Variants in DCK observed in about 807,000 individuals in gnomAD.
DCK encodes deoxyadenosine kinase.
Under a neutral mutation model 38.3 loss-of-function variants are expected in DCK, and 23 were observed. The ratio of observed to expected loss-of-function variants is 0.60; its 90% CI spans 0.43 to 0.85. DCK has a LOEUF of 0.85. DCK is among the 40% of genes least tolerant of loss of function. The pLI is 0.00. For missense variants in DCK, 259 were observed against 304.4 expected (o/e 0.85, Z 1.11); for synonymous variants, 108 against 100.6 (o/e 1.07, Z -0.44).
chr4:71,015,777 G>A (rs964119312), intron 2 of DCK, among the ~76,000 whole-genome samples: 9 of 152,182 alleles, frequency 5.9e-5, no homozygotes, highest in Non-Finnish European at 7.3e-5. Flanking sequence ...TTGGTGGGAT[G>A]TATCTCAAAA....
At chr4:71,005,643 A>G (rs1180445147) in intron 2 of DCK, among the ~76,000 whole-genome samples, 1 of 150,930 alleles carries the variant, frequency 6.6e-6, no homozygotes, top group Non-Finnish European at 1.5e-5. Flanking sequence ...AGTAGCTGGG[A>G]TTACAAGCAT....
chr4:71,029,900 T>C lies in DCK; in HGVS notation c.*522T>C, dbSNP rs1239169018. ...TGAAGTTTTATTTTAAATTATTATC[T>C]TCTTAACAGTTTAGTCCCACCTCTT... On this transcript the variant is annotated 3_prime_UTR_variant, in exon 7 of 7. Transcript: ENST00000286648. 2.0e-5 allele frequency: 3 copies of C among 152,998 alleles called. No homozygotes were observed. Among genetic ancestry groups the C allele is most frequent in the Non-Finnish European group, 2.9e-5 (2 of 68,326 alleles). 9.5% of individuals were successfully genotyped at this position (152,998 alleles called of 1,614,324 possible).
In DCK at chr4:71,016,830, C is replaced by G. The variant is rs905333756; in HGVS notation, c.208-5537C>G. Among the ~76,000 whole-genome samples the G allele has an allele frequency of 8.5e-5, 13 of 152,316 alleles. 1 individual carries two copies. In the Middle Eastern group the frequency reaches 0.01, roughly 120 times the overall value. On this transcript the variant is annotated intron_variant, in intron 2 of 6. Coordinates refer to ENST00000286648, the MANE Select transcript of DCK (RefSeq NM_000788.3). ...TGTTAGACCTAAAACCATAAAAACCCTAGAAGAAAACCTAGGCAATACTAT... is the reference window on the plus strand; with the variant it reads ...TGTTAGACCTAAAACCATAAAAACCGTAGAAGAAAACCTAGGCAATACTAT...
chr4:71,021,055 A>G (rs1261588531), intron 2 of DCK, among the ~76,000 whole-genome samples: 1 of 148,010 alleles, frequency 6.8e-6, no homozygotes, highest in Non-Finnish European at 1.5e-5. Context: ...CATGTGTTCC[A>G]GATGCTATTT....
chr4:71,009,770 G>A (rs944198474), intron 2 of DCK, among the ~76,000 whole-genome samples: 3 of 152,112 alleles, frequency 2.0e-5, no homozygotes, highest in Non-Finnish European at 4.4e-5. Context: ...CTGTACAGAG[G>A]GGGTAGTATT....
intron 2 of DCK, among the ~76,000 whole-genome samples, chr4:71,018,593 G>T (rs1266479268): frequency 6.6e-6 from 1 of 151,622 alleles, no homozygotes; most frequent in Non-Finnish European, 1.5e-5. Context: ...TTTTTATCTG[G>T]ATAGTTTGCA....
At chr4:71,026,822 A>G in intron 6 of DCK, 67 bp downstream of exon 6, 1 of 748,628 alleles carries the variant, frequency 1.3e-6, no homozygotes, top group Admixed American at 2.7e-5. Flanking sequence ...TGGTGAGAAA[A>G]CAATTTTCTA....
chr4:71,029,325 C>T, intron 6 of DCK, 27 bp from the exon 7 acceptor site: 1 of 1,531,874 alleles, frequency 6.5e-7, no homozygotes, highest in African/African-American at 1.4e-5. Context: ...AGGAATTATA[C>T]TGATTTTTTT....
chr4:71,025,815 G>C lies in DCK; in HGVS notation c.550-1G>C. On this transcript the variant is annotated splice_acceptor_variant, in intron 4 of 6. Coordinates refer to ENST00000286648, the MANE Select transcript of DCK (RefSeq NM_000788.3). LOFTEE classifies it high-confidence loss of function. ...TTCCATCTCTTATTACTTGCTTTTA[G>C]ACATGCTTACATAGAATATATTTAC... 1 of 1,594,660 alleles carries C rather than the reference G, an allele frequency of 6.3e-7. No individual in the cohort carries two copies. The highest frequency in any genetic ancestry group is 8.5e-7 in the Non-Finnish European group (1 of 1,173,186).
At chr4:71,008,038 A>C (rs1739992966) in intron 2 of DCK, among the ~76,000 whole-genome samples, 1 of 152,136 alleles carries the variant, frequency 6.6e-6, no homozygotes, top group Non-Finnish European at 1.5e-5. Context: ...ATAGTATTTA[A>C]TTTTATTCGT....
intron 2 of DCK, among the ~76,000 whole-genome samples, chr4:71,019,151 C>T (rs1459323128): frequency 4.6e-5 from 7 of 152,130 alleles, no homozygotes; most frequent in African/African-American, 1.4e-4. Context: ...CACTATTAAA[C>T]TAAGAGACAA....
intron 2 of DCK, among the ~76,000 whole-genome samples, chr4:71,005,140 G>T (rs1022848123): frequency 1.3e-5 from 2 of 152,190 alleles, no homozygotes; most frequent in African/African-American, 4.8e-5. Context: ...TGGTCTGCGG[G>T]TTGTGAAGAC....
intron 2 of DCK, among the ~76,000 whole-genome samples, chr4:71,009,547 G>C (rs890868477): frequency 1.3e-5 from 2 of 152,128 alleles, no homozygotes; most frequent in African/African-American, 4.8e-5. Context: ...ACTTGATTCA[G>C]AATGCCAAAC....
intron 2 of DCK, among the ~76,000 whole-genome samples, chr4:71,014,843 A>G (rs1486149522): frequency 2.6e-5 from 4 of 152,222 alleles, no homozygotes; most frequent in Non-Finnish European, 4.4e-5. Context: ...TGACACCCTA[A>G]CATCACAATT....
Position 71,029,946 on chromosome 4 carries a change from T to C in DCK, c.*568T>C, listed in dbSNP as rs1740644872. The C allele has an allele frequency of 1.3e-5, 2 of 152,726 alleles. No homozygotes were observed. Among genetic ancestry groups the C allele is most frequent in the African/African-American group, 4.8e-5 (2 of 41,466 alleles). 9.5% of individuals were successfully genotyped at this position (152,726 alleles called of 1,614,324 possible). On this transcript the variant is annotated 3_prime_UTR_variant, in exon 7 of 7. Coordinates refer to ENST00000286648, the MANE Select transcript of DCK (RefSeq NM_000788.3). Reference sequence around the variant, plus strand: ...CTCTTACTTCCTGCCTCAGTCTGCTTTCTCTACTGTCTGGATTAATTAGGC... The same window carrying C: ...CTCTTACTTCCTGCCTCAGTCTGCTCTCTCTACTGTCTGGATTAATTAGGC...
At chr4:71,016,105 G>A (rs555337539) in intron 2 of DCK, among the ~76,000 whole-genome samples, 1 of 152,294 alleles carries the variant, frequency 6.6e-6, no homozygotes, top group South Asian at 2.1e-4. Context: ...CAAAGTCAAT[G>A]TGCAAAAATC....
At chr4:71,019,564 G>A (rs1341962512) in intron 2 of DCK, among the ~76,000 whole-genome samples, 3 of 152,038 alleles carry the variant, frequency 2.0e-5, no homozygotes, top group Non-Finnish European at 4.4e-5. Flanking sequence ...CTCTATCTTA[G>A]AGAATATATT....
chr4:71,017,278 C>T (rs1055327586), intron 2 of DCK, among the ~76,000 whole-genome samples: 30 of 152,198 alleles, frequency 2.0e-4, no homozygotes, highest in Non-Finnish European at 3.4e-4. Context: ...AGTCAGGAGA[C>T]AACAGGTGCT....
intron 1 of DCK, 80 bp downstream of exon 1, chr4:70,994,006 T>G (rs1022313236): frequency 6.8e-6 from 7 of 1,024,920 alleles, no homozygotes; most frequent in Admixed American, 5.8e-5. Flanking sequence ...CGCATCTCTC[T>G]GCAGCAACTC....
Sources: gnomAD v4.1 joint callset for allele counts (sites outside exome capture counted in the v4.1 genomes callset) on GRCh38, gnomAD v4.1.1 for gene constraint, MANE v1.5 for transcripts, NCBI Gene and HGNC (gene_info 2026-07-23, HGNC 2026-07-21) for gene names.